MAP4K4: variants seen among roughly 807,000 people sequenced by gnomAD.
MAP4K4 encodes mitogen-activated protein kinase kinase kinase kinase 4, also known as HPK/GCK-like kinase HGK.
MAP4K4 carries 38 observed loss-of-function variants against 189.6 expected under a neutral mutation model. That is an observed-to-expected ratio of 0.20 (90% CI 0.15 to 0.26). The LOEUF is 0.26. Among genes scored for constraint, MAP4K4 ranks in the 10% least tolerant of loss-of-function variants. The probability of loss-of-function intolerance (pLI) is 1.00; values close to 1 mark genes in which losing one functional copy is unlikely to be tolerated. For synonymous variants in MAP4K4, 610 were observed against 624.3 expected, an observed-to-expected ratio of 0.98 and a Z score of 0.34; for missense variants, 1,054 against 1,726.9, an observed-to-expected ratio of 0.61 and a Z score of 6.91.
chr2:101,867,813 CT>C (rs2097860129), intron 20 of MAP4K4: 4 of 519,950 alleles, frequency 7.7e-6, no homozygotes, highest in Non-Finnish European at 1.0e-5. Flanking sequence ...ATAGTTGTGA[CT>C]GCTTCTCACC....
At chr2:101,860,785 C>T (rs773190942) in intron 15 of MAP4K4, 40 bp from the exon 16 acceptor site, 23 of 1,523,286 alleles carry the variant, frequency 1.5e-5, no homozygotes, top group Non-Finnish European at 1.8e-5. Flanking sequence ...TGCTTTTCCC[C>T]TACTAACACT....
intron 15 of MAP4K4, 51 bp from the exon 16 acceptor site, chr2:101,860,774 C>T: frequency 7.0e-6 from 10 of 1,430,682 alleles, no homozygotes; most frequent in Non-Finnish European, 8.5e-6. Flanking sequence ...TTTGATATTT[C>T]TGCTTTTCCC....
intron 16 of MAP4K4, among the ~76,000 whole-genome samples, 179 bp from the exon 17 acceptor site, chr2:101,863,642 G>A (rs576449588): frequency 1.3e-5 from 2 of 152,288 alleles, no homozygotes; most frequent in African/African-American, 4.8e-5. Context: ...TACATACTGT[G>A]TTCCCAGACC....
intron 2 of MAP4K4, among the ~76,000 whole-genome samples, chr2:101,758,915 C>T (rs1384532595): frequency 3.9e-5 from 6 of 152,004 alleles, no homozygotes; most frequent in African/African-American, 7.3e-5. Context: ...AGGCGGATCA[C>T]GAGATCAGGA....
exon 10 of MAP4K4, chr2:101,839,879 C>T: frequency 5.0e-6 from 8 of 1,613,468 alleles, no homozygotes; most frequent in Non-Finnish European, 6.8e-6. Context: ...TGCAGCGGCC[C>T]TCTACAGAGC....
At chr2:101,861,480 G>T (rs2097653756) in intron 16 of MAP4K4, 1 of 152,944 alleles carries the variant, frequency 6.5e-6, no homozygotes, top group Admixed American at 6.5e-5. Flanking sequence ...TTTTGTGGGG[G>T]TGGGGGGAAT....
At chr2:101,829,369 A>C in intron 5 of MAP4K4, 135 bp from the exon 6 acceptor site, 1 of 611,694 alleles carries the variant, frequency 1.6e-6, no homozygotes, top group Non-Finnish European at 3.0e-6. Context: ...CTGGGAATGC[A>C]CTAAGACGAA....
chr2:101,749,322 A>G (rs1241844708), intron 2 of MAP4K4, among the ~76,000 whole-genome samples: 5 of 151,366 alleles, frequency 3.3e-5, no homozygotes, highest in South Asian at 2.1e-4. Context: ...ATATAGATCA[A>G]TGGAACAGAA....
chr2:101,722,312 A>G (rs1244001602), intron 2 of MAP4K4, among the ~76,000 whole-genome samples: 1 of 152,176 alleles, frequency 6.6e-6, no homozygotes, highest in African/African-American at 2.4e-5. Context: ...GAATTTGGAC[A>G]TTATCTGTCT....
chr2:101,796,659 G>A lies in MAP4K4; in HGVS notation c.180+5883G>A, dbSNP rs188397616. On this transcript the variant is annotated intron_variant, in intron 3 of 32. Transcript: ENST00000324219. Reference sequence around the variant, plus strand: ...TTCTCCTTTTTAAAATTTGTTTTTAGCAGATTTGTCAGAGCAGACTTTCTT... The same window carrying A: ...TTCTCCTTTTTAAAATTTGTTTTTAACAGATTTGTCAGAGCAGACTTTCTT... 1.1e-4 allele frequency among the ~76,000 whole-genome samples: 16 copies of A among 152,256 alleles called. 1 individual carries two copies. The East Asian group carries it at 3.1e-3, about 29-fold the overall frequency.
intron 9 of MAP4K4, among the ~76,000 whole-genome samples, chr2:101,839,342 G>A (rs992570263): frequency 2.6e-5 from 4 of 152,308 alleles, no homozygotes; most frequent in South Asian, 4.1e-4. Context: ...TTGGAACTCC[G>A]GTTGAAATGT....
intron 2 of MAP4K4, among the ~76,000 whole-genome samples, chr2:101,734,340 A>G (rs979908856): frequency 3.3e-5 from 5 of 152,216 alleles, no homozygotes; most frequent in African/African-American, 1.2e-4. Flanking sequence ...ACTTACTATT[A>G]TATTTAAAAC....
chr2:101,729,451 CTT>C (rs2057414628), intron 2 of MAP4K4, among the ~76,000 whole-genome samples: 1 of 152,064 alleles, frequency 6.6e-6, no homozygotes, highest in Non-Finnish European at 1.5e-5. Flanking sequence ...TTATAGGTGT[CTT>C]GGGTGGTGGT....
chr2:101,858,057 A>G (rs902473263), intron 13 of MAP4K4, among the ~76,000 whole-genome samples: 6 of 152,148 alleles, frequency 3.9e-5, no homozygotes, highest in African/African-American at 7.2e-5. Context: ...AGGTTATTTC[A>G]TATCAATCTC....
At chr2:101,852,256 G>A (rs148792939) in intron 12 of MAP4K4, among the ~76,000 whole-genome samples, 6 of 152,042 alleles carry the variant, frequency 3.9e-5, no homozygotes, top group East Asian at 1.9e-4. Flanking sequence ...ATTGGATTTC[G>A]TAGGACCTAG....
At chr2:101,745,385 T>C (rs2064895831) in intron 2 of MAP4K4, among the ~76,000 whole-genome samples, 1 of 109,764 alleles carries the variant, frequency 9.1e-6, no homozygotes, top group African/African-American at 3.9e-5. Flanking sequence ...TGTTTAAGCA[T>C]AGTGTCTGGT....
chr2:101,799,784 G>T (rs372102578), intron 3 of MAP4K4, among the ~76,000 whole-genome samples: 2 of 151,874 alleles, frequency 1.3e-5, no homozygotes, highest in South Asian at 2.1e-4. Flanking sequence ...AAAATTTTTC[G>T]TAGAGACGAA....
At chr2:101,704,336 A>C (rs927782101) in intron 2 of MAP4K4, among the ~76,000 whole-genome samples, 1 of 151,916 alleles carries the variant, frequency 6.6e-6, no homozygotes. Context: ...TTCAACCCTT[A>C]CTTTCAAAAA....
At chr2:101,795,839 T>C (rs1289810577) in intron 3 of MAP4K4, among the ~76,000 whole-genome samples, 1 of 152,204 alleles carries the variant, frequency 6.6e-6, no homozygotes, top group East Asian at 1.9e-4. Flanking sequence ...AAAATATTGG[T>C]TCCTGATAAA....
Sources: gnomAD v4.1 joint callset for allele counts (sites outside exome capture counted in the v4.1 genomes callset) on GRCh38, gnomAD v4.1.1 for gene constraint, MANE v1.5 for transcripts, NCBI Gene and HGNC (gene_info 2026-07-23, HGNC 2026-07-21) for gene names.